TGM7: variants seen among roughly 807,000 people sequenced by gnomAD.
The protein encoded by TGM7 is protein-glutamine gamma-glutamyltransferase Z.
A neutral mutation model predicts 79.5 loss-of-function variants in TGM7; 74 were observed. That is an observed-to-expected ratio of 0.93 (90% CI 0.77 to 1.13). The LOEUF is 1.13. Ranked by LOEUF, TGM7 falls within the 50% of genes most tolerant of loss-of-function variation. The probability of loss-of-function intolerance (pLI) is 0.00; values close to 1 mark genes in which losing one functional copy is unlikely to be tolerated. For synonymous variants in TGM7, 354 were observed against 362.5 expected (o/e 0.98, Z 0.27); for missense variants, 912 against 905.9 (o/e 1.01, Z -0.09).
chr15:43,299,319 G>A (rs1400686788), intron 1 of TGM7, among the ~76,000 whole-genome samples: 1 of 152,192 alleles, frequency 6.6e-6, no homozygotes, highest in Non-Finnish European at 1.5e-5. Context: ...AGGGCAGCGA[G>A]AGCCCTGTCA....
chr15:43,293,722 G>A (rs1255837110), intron 1 of TGM7, 91 bp from the exon 2 acceptor site: 3 of 836,116 alleles, frequency 3.6e-6, no homozygotes, highest in Middle Eastern at 4.7e-4. Flanking sequence ...TGGGAGGTGC[G>A]GCGGGTGGTG....
At chr15:43,301,431 A>G (rs1206593422) in intron 1 of TGM7, among the ~76,000 whole-genome samples, 3 of 151,360 alleles carry the variant, frequency 2.0e-5, no homozygotes, top group Non-Finnish European at 4.4e-5. Context: ...GGAGTTCAAG[A>G]CCAGCCTGGC....
intron 9 of TGM7, 27 bp downstream of exon 9, chr15:43,281,817 C>G: frequency 6.8e-6 from 11 of 1,609,202 alleles, no homozygotes; most frequent in Non-Finnish European, 9.4e-6. Flanking sequence ...CTTAAAGCAG[C>G]CCTTTCCCCA....
At chr15:43,284,443 T>G (rs534166674) in intron 7 of TGM7, among the ~76,000 whole-genome samples, 2 of 151,606 alleles carry the variant, frequency 1.3e-5, no homozygotes, top group South Asian at 4.2e-4. Flanking sequence ...CAAGAAGAGG[T>G]CTACAGAAGC....
Position 43,279,905 on chromosome 15 carries a change from C to G in TGM7, c.1398G>C (p.Met466Ile). 2 of 1,614,222 alleles carry G rather than the reference C, an allele frequency of 1.2e-6. No individual in the cohort carries two copies. The highest frequency in any genetic ancestry group is 4.5e-5 in the East Asian group (2 of 44,882). Residue 466 changes from methionine to isoleucine, a missense_variant, in exon 10 of 13, where the codon ATG (methionine) becomes ATC (isoleucine). Met to Ile is a conservative substitution (Grantham distance 10). Coordinates refer to ENST00000452443, the MANE Select transcript of TGM7 (RefSeq NM_052955.3). ...GCAAAGAAGCTCTTTGGGGGCCCAG[C>G]ATTTTCCGAGAAGCCTTCATGAAGA... ...RAVFMKASRK[M>I]LGPQRASLPF...
At chr15:43,280,258 T>C (rs2042901232) in intron 9 of TGM7, among the ~76,000 whole-genome samples, 1 of 152,100 alleles carries the variant, frequency 6.6e-6, no homozygotes, top group Admixed American at 6.5e-5. Flanking sequence ...ATCACTATCA[T>C]CATCATCATG....
At chr15:43,277,959 GCAT>G (rs1472917571) in intron 11 of TGM7, among the ~76,000 whole-genome samples, 5 of 152,230 alleles carry the variant, frequency 3.3e-5, no homozygotes, top group African/African-American at 1.2e-4. Context: ...AACCTACTTG[GCAT>G]TTGCCATGTT....
intron 11 of TGM7, among the ~76,000 whole-genome samples, chr15:43,277,889 A>C (rs2042885935): frequency 6.6e-6 from 1 of 152,258 alleles, no homozygotes; most frequent in Non-Finnish European, 1.5e-5. Context: ...GTCAAAGTAG[A>C]ACAGGTTAAA....
At chr15:43,281,044 A>G (rs1360269330) in intron 9 of TGM7, among the ~76,000 whole-genome samples, 1 of 152,206 alleles carries the variant, frequency 6.6e-6, no homozygotes, top group Non-Finnish European at 1.5e-5. Flanking sequence ...CATAAGAAAC[A>G]TTTGTGCCGC....
At position 43,279,165 on chromosome 15, in the gene TGM7, C is replaced by T. The variant is rs764615366; in HGVS notation, c.1791G>A (p.Met597Ile). The T allele has an allele frequency of 3.1e-6, 5 of 1,614,142 alleles. No individual in the cohort carries two copies. In the East Asian group the frequency reaches 8.9e-5, roughly 29 times the overall value. The change falls in exon 11 of 13, where the codon ATG becomes ATA. Residue 597 changes from methionine (M) to isoleucine (I), a missense_variant. By Grantham distance (10) the Met-to-Ile change is conservative. Transcript: ENST00000452443. The part of the protein sequence containing the change: ...IAEVEETGRS[M>I]LVLKDICLEP... ...CCAGACAGATATCTTTTAGGACCAGCATGGACCTCCCTGTCTCTTCAACCT... is the reference window on the plus strand; with the variant it reads ...CCAGACAGATATCTTTTAGGACCAGTATGGACCTCCCTGTCTCTTCAACCT...
chr15:43,287,758 C>A, intron 4 of TGM7, 89 bp from the exon 5 acceptor site: 7 of 1,457,354 alleles, frequency 4.8e-6, no homozygotes, highest in Non-Finnish European at 6.5e-6. Flanking sequence ...TTGGGGATGG[C>A]ATGTATATGG....
rs769224497 is a variant in TGM7 at position 43,302,235 on chromosome 15, A to G, written c.10+6T>C. ...CCGAAAAGGTAAGTCGATTCCCAGT[A>G]CTCACCCTGATCCATCTCCCTCCTT... On this transcript the variant is annotated splice_donor_region_variant and intron_variant, in intron 1 of 12. Coordinates refer to ENST00000452443, the MANE Select transcript of TGM7 (RefSeq NM_052955.3). 2 of 1,613,672 alleles carry G rather than the reference A, an allele frequency of 1.2e-6. No individual in the cohort carries two copies. The highest frequency in any genetic ancestry group is 1.7e-6 in the Non-Finnish European group (2 of 1,179,926).
At chr15:43,284,044 C>CAA (rs2042922646) in intron 7 of TGM7, among the ~76,000 whole-genome samples, 1 of 152,142 alleles carries the variant, frequency 6.6e-6, no homozygotes, top group South Asian at 2.1e-4. Flanking sequence ...ACTAAAAATA[C>CAA]AAAAATTAGC....
At chr15:43,290,349 A>G (rs1316886177) in intron 4 of TGM7, among the ~76,000 whole-genome samples, 1 of 152,080 alleles carries the variant, frequency 6.6e-6, no homozygotes, top group African/African-American at 2.4e-5. Context: ...TGTTTTTGTC[A>G]GGTTTGTCAA....
intron 2 of TGM7, among the ~76,000 whole-genome samples, 186 bp from the exon 3 acceptor site, chr15:43,293,140 G>A (rs1276323422): frequency 1.3e-5 from 2 of 152,204 alleles, no homozygotes; most frequent in African/African-American, 4.8e-5. Flanking sequence ...TCTGTTAAAA[G>A]GGGATCATAA....
In TGM7 at chr15:43,279,624, C is replaced by A; in HGVS notation, c.1678+1G>T. ...CCTTCTCAGGCCTGCCTCACACTCACCCTTCCCAAAGTCCAGGTTCATCCG... is the reference window on the plus strand; with the variant it reads ...CCTTCTCAGGCCTGCCTCACACTCAACCTTCCCAAAGTCCAGGTTCATCCG... On this transcript the variant is annotated splice_donor_variant, in intron 10 of 12. Transcript: ENST00000452443. LOFTEE classifies it high-confidence loss of function. 1 of 1,576,818 alleles carries A rather than the reference C, an allele frequency of 6.3e-7. No homozygotes were observed. The highest frequency in any genetic ancestry group is 8.6e-7 in the Non-Finnish European group (1 of 1,158,570).
At chr15:43,288,727 C>T (rs1012712750) in intron 4 of TGM7, among the ~76,000 whole-genome samples, 2 of 152,018 alleles carry the variant, frequency 1.3e-5, no homozygotes, top group Non-Finnish European at 2.9e-5. Flanking sequence ...GTCAGAAGTT[C>T]GAGACCAGCC....
At chr15:43,284,042 T>C (rs936812496) in intron 7 of TGM7, among the ~76,000 whole-genome samples, 12 of 152,060 alleles carry the variant, frequency 7.9e-5, no homozygotes, top group African/African-American at 2.9e-4. Context: ...CTACTAAAAA[T>C]ACAAAAATTA....
chr15:43,277,833 T>C (rs1374832834), intron 11 of TGM7, among the ~76,000 whole-genome samples: 2 of 152,200 alleles, frequency 1.3e-5, no homozygotes, highest in African/African-American at 2.4e-5. Flanking sequence ...CTGACTCACC[T>C]GGGGTCCAAA....
Sources: allele counts gnomAD v4.1 joint callset (sites outside exome capture counted in the v4.1 genomes callset), GRCh38; gene constraint gnomAD v4.1.1; transcripts MANE v1.5; gene names NCBI Gene and HGNC (gene_info 2026-07-23, HGNC 2026-07-21).